The following MRPL43 variants were observed in gnomAD, a reference collection of about 807,000 sequenced individuals.
MRPL43 encodes the protein mitochondrial ribosomal protein L43, also known as large ribosomal subunit protein mL43.
Under a neutral mutation model 12.7 loss-of-function variants are expected in MRPL43, and 9 were observed. The ratio of observed to expected loss-of-function variants is 0.71; its 90% CI spans 0.43 to 1.24. The LOEUF (loss-of-function observed/expected upper bound fraction) is 1.24, where lower values mean the gene tolerates loss of function less well. Among genes scored for constraint, MRPL43 ranks in the 50% most tolerant of loss-of-function variants. MRPL43 has a pLI of 0.00. For missense variants in MRPL43, 211 were observed against 229.2 expected, an observed-to-expected ratio of 0.92 and a Z score of 0.51; for synonymous variants, 116 against 96.4, an observed-to-expected ratio of 1.20 and a Z score of -1.19.
downstream of MRPL43, among the ~76,000 whole-genome samples, chr10:100,982,618 CCT>C (rs1437327824): frequency 1.3e-5 from 2 of 152,144 alleles, no homozygotes; most frequent in South Asian, 2.1e-4. Flanking sequence ...ATGGTGAAAC[CCT>C]GTCTCTACTA....
chr10:100,983,473 C>T, downstream of MRPL43: 3 of 1,614,206 alleles, frequency 1.9e-6, no homozygotes, highest in South Asian at 1.1e-5. Context: ...CTGCTGGTTA[C>T]AGATGCACAG....
downstream of MRPL43, chr10:100,981,669 G>A (rs562685405): frequency 1.1e-5 from 14 of 1,219,956 alleles, 1 homozygote; most frequent in South Asian, 9.3e-5. Flanking sequence ...TATGAGAAAG[G>A]TGCCATTATT....
chr10:100,985,289 C>T (rs1160574437), downstream of MRPL43: 6 of 175,188 alleles, frequency 3.4e-5, no homozygotes, highest in Admixed American at 5.8e-5. Context: ...CCTACCTCAC[C>T]GGGGCACTTT....
downstream of MRPL43, chr10:100,981,441 A>C: frequency 6.2e-7 from 1 of 1,614,150 alleles, no homozygotes; most frequent in Middle Eastern, 1.6e-4. Flanking sequence ...TAAGATGTGA[A>C]GTGTCTTGTC....
downstream of MRPL43, chr10:100,985,140 A>C (rs1851374834): frequency 2.3e-6 from 1 of 432,944 alleles, no homozygotes; most frequent in Non-Finnish European, 4.1e-6. Flanking sequence ...CTTTTGGGGG[A>C]ATCAAGCATT....
chr10:100,980,470 C>G, downstream of MRPL43: 1 of 1,347,662 alleles, frequency 7.4e-7, no homozygotes, highest in Non-Finnish European at 1.1e-6. Context: ...CTGGCTGAGT[C>G]CTTGTTCTGG....
chr10:100,986,379 C>G lies in MRPL43; in HGVS notation c.*355G>C. ...AGCTCTCCGTAGCTCAGTGGTTGTT[C>G]CAATAAGACATCAGGGATTCTTCAG... On this transcript the variant is annotated 3_prime_UTR_variant, in exon 3 of 3. Coordinates refer to ENST00000318364, the MANE Select transcript of MRPL43 (RefSeq NM_032112.3). 1.4e-6 allele frequency: 2 copies of G among 1,461,250 alleles called. No homozygotes were observed. The highest frequency in any genetic ancestry group is 2.7e-5 in the Admixed American group (1 of 36,860). The allele number at this position is 1,461,250 out of a possible 1,614,324, so 90.5% of individuals were successfully genotyped here. A position where few individuals can be genotyped will look rare whatever the true frequency, so the allele number is the denominator to read the frequency against.
At chr10:100,980,008 T>G (rs776211795), downstream of MRPL43, 23 of 1,613,750 alleles carry the variant, frequency 1.4e-5, no homozygotes, top group Non-Finnish European at 1.7e-6. Context: ...TGCCCAGGCC[T>G]GGGGCCAGTG....
chr10:100,980,866 A>T, downstream of MRPL43: 1 of 1,605,430 alleles, frequency 6.2e-7, no homozygotes, highest in Non-Finnish European at 8.5e-7. Context: ...TCCAGCTACC[A>T]CTCTCCAGCT....
downstream of MRPL43, chr10:100,981,339 T>G (rs1255679509): frequency 1.9e-6 from 3 of 1,601,732 alleles, no homozygotes; most frequent in Non-Finnish European, 2.6e-6. Flanking sequence ...TATGTACATT[T>G]GGTAAGGATG....
chr10:100,985,201 A>C, downstream of MRPL43: 1 of 316,802 alleles, frequency 3.2e-6, no homozygotes, highest in African/African-American at 2.1e-5. Context: ...TGATGTCTCA[A>C]CTGGCACATG....
chr10:100,980,889 G>A (rs778822733), downstream of MRPL43: 14 of 1,610,832 alleles, frequency 8.7e-6, no homozygotes, highest in Admixed American at 1.2e-4. Context: ...TCCCGCTACC[G>A]ATCCTGCTAT....
downstream of MRPL43, chr10:100,978,216 G>A (rs947604126): frequency 2.9e-6 from 3 of 1,028,436 alleles, no homozygotes; most frequent in Admixed American, 4.0e-5. Context: ...GCTGATCCCT[G>A]ACCCCAGACT....
At chr10:100,983,900 C>T (rs1490149544), downstream of MRPL43, 2 of 1,049,180 alleles carry the variant, frequency 1.9e-6, no homozygotes, top group Non-Finnish European at 2.7e-6. Flanking sequence ...GGGAGGGAGC[C>T]CCAGCCCCAC....
downstream of MRPL43, chr10:100,984,125 T>C (rs149579572): frequency 1.6e-4 from 261 of 1,607,962 alleles, no homozygotes; most frequent in Non-Finnish European, 1.7e-4. Flanking sequence ...ATGAGAGCTC[T>C]GTCTGAGCCC....
At chr10:100,979,380 G>A, downstream of MRPL43, 2 of 1,593,070 alleles carry the variant, frequency 1.3e-6, no homozygotes, top group South Asian at 1.1e-5. Context: ...TGGCTGCAAA[G>A]TGAGAATTTT....
downstream of MRPL43, among the ~76,000 whole-genome samples, chr10:100,982,452 G>A (rs1415919570): frequency 6.6e-6 from 1 of 152,208 alleles, no homozygotes; most frequent in Non-Finnish European, 1.5e-5. Flanking sequence ...AAATCAACAG[G>A]TCTAAGATAG....
At chr10:100,983,889 G>A, downstream of MRPL43, 3 of 1,545,268 alleles carry the variant, frequency 1.9e-6, no homozygotes, top group Non-Finnish European at 2.6e-6. Context: ...GATCATCCCT[G>A]GGGAGGGAGC....
chr10:100,979,368 T>G (rs1589988456), downstream of MRPL43: 1 of 1,592,302 alleles, frequency 6.3e-7, no homozygotes, highest in Non-Finnish European at 8.5e-7. Flanking sequence ...TGTGGGGAGG[T>G]CTGGCTGCAA....
Sources: gnomAD v4.1 joint callset for allele counts (sites outside exome capture counted in the v4.1 genomes callset) on GRCh38, gnomAD v4.1.1 for gene constraint, MANE v1.5 for transcripts, NCBI Gene and HGNC (gene_info 2026-07-23, HGNC 2026-07-21) for gene names.